UCK2: variants seen among roughly 807,000 people sequenced by gnomAD.
UCK2 encodes the protein cytidine monophosphokinase 2.
A neutral mutation model predicts 30.8 loss-of-function variants in UCK2; 6 were observed. The ratio of observed to expected loss-of-function variants is 0.19; its 90% CI spans 0.11 to 0.38. The LOEUF (loss-of-function observed/expected upper bound fraction) is 0.38, where lower values mean the gene tolerates loss of function less well. UCK2 is among the 10% of genes least tolerant of loss of function. The pLI, the probability that UCK2 is intolerant of heterozygous loss-of-function variation, is 1.00. For synonymous variants in UCK2, 125 were observed against 133.6 expected (o/e 0.94, Z 0.45); for missense variants, 210 against 339.8 (o/e 0.62, Z 3.00).
chr1:165,889,081 C>T (rs1422234816), intron 1 of UCK2, among the ~76,000 whole-genome samples: 1 of 152,060 alleles, frequency 6.6e-6, no homozygotes, highest in African/African-American at 2.4e-5. Context: ...GGTTTGAGTT[C>T]ATTTGGAGTT....
intron 5 of UCK2, 21 bp from the exon 6 acceptor site, chr1:165,905,900 A>G (rs375446636): frequency 8.1e-6 from 13 of 1,613,004 alleles, no homozygotes; most frequent in Non-Finnish European, 1.1e-5. Context: ...ATTAATGCAT[A>G]TTAACTGTCT....
chr1:165,842,177 A>G (rs1271448789), intron 1 of UCK2, among the ~76,000 whole-genome samples: 3 of 151,916 alleles, frequency 2.0e-5, no homozygotes, highest in African/African-American at 2.4e-5. Flanking sequence ...CACTCTCACC[A>G]TTCTTCTCAG....
intron 1 of UCK2, among the ~76,000 whole-genome samples, chr1:165,862,359 C>G (rs922495790): frequency 4.6e-5 from 7 of 152,108 alleles, no homozygotes; most frequent in Non-Finnish European, 1.0e-4. Context: ...AGAAAACATC[C>G]ATAGGGTGTA....
At chr1:165,848,658 A>C (rs549925533) in intron 1 of UCK2, among the ~76,000 whole-genome samples, 233 of 150,810 alleles carry the variant, frequency 1.5e-3, no homozygotes, top group Non-Finnish European at 2.5e-3. Flanking sequence ...ACACACACAC[A>C]CCCACACACA....
chr1:165,889,295 T>C (rs1655702766), intron 1 of UCK2, among the ~76,000 whole-genome samples: 1 of 152,256 alleles, frequency 6.6e-6, no homozygotes. Flanking sequence ...TCTTGCTAAC[T>C]AGCTGAGCTC....
chr1:165,839,985 C>T (rs375278673), intron 1 of UCK2, among the ~76,000 whole-genome samples: 2 of 152,292 alleles, frequency 1.3e-5, no homozygotes, highest in African/African-American at 4.8e-5. Context: ...GAGTGTGGCG[C>T]GATCTCGGCC....
chr1:165,902,584 A>G (rs1452461354), intron 4 of UCK2: 2 of 83,056 alleles, frequency 2.4e-5, no homozygotes. Context: ...CTTATCTTTC[A>G]CTGAGTGATT....
At position 165,827,781 on chromosome 1, in the gene UCK2, C is replaced by A; in HGVS notation, c.-53C>A. 2 of 1,314,630 alleles carry A rather than the reference C, an allele frequency of 1.5e-6. No individual in the cohort carries two copies. The highest frequency in any genetic ancestry group is 3.4e-5 in the Admixed American group (1 of 29,452). 81.4% of individuals were successfully genotyped at this position (1,314,630 alleles called of 1,614,324 possible). ...GGAGGGAGTCCGACGCGGGCGCGGG[C>A]GGGGAGCGTGCGTCCGTTCGCACAG... On this transcript the variant is annotated 5_prime_UTR_variant, in exon 1 of 7. Transcript: ENST00000367879.
chr1:165,846,675 C>T (rs1654456256), intron 1 of UCK2, among the ~76,000 whole-genome samples: 1 of 152,164 alleles, frequency 6.6e-6, no homozygotes, highest in Admixed American at 6.5e-5. Flanking sequence ...TGTCAGATCC[C>T]AGGATGAGGA....
chr1:165,903,452 T>A (rs1008182768), intron 5 of UCK2, among the ~76,000 whole-genome samples, 173 bp downstream of exon 5: 1 of 152,210 alleles, frequency 6.6e-6, no homozygotes, highest in African/African-American at 2.4e-5. Context: ...GTGTCCTCTG[T>A]GTTCTCCAGG....
At chr1:165,891,011 G>GA in intron 2 of UCK2, 1 of 500,480 alleles carries the variant, frequency 2.0e-6, no homozygotes, top group Non-Finnish European at 3.6e-6. Flanking sequence ...AGAGAAAAAA[G>GA]AAATCTATTT....
intron 1 of UCK2, among the ~76,000 whole-genome samples, chr1:165,881,203 AAAAG>A (rs1254030188): frequency 1.3e-5 from 2 of 151,354 alleles, no homozygotes; most frequent in Admixed American, 6.6e-5. Flanking sequence ...AAAAAAAAAA[AAAAG>A]AGATGATGTA....
At chr1:165,894,597 A>C (rs1655845657) in intron 3 of UCK2, 1 of 152,112 alleles carries the variant, frequency 6.6e-6, no homozygotes, top group Admixed American at 6.5e-5. Flanking sequence ...TATTTTTATA[A>C]GCTTCCCAGA....
At chr1:165,890,052 C>CT in intron 1 of UCK2, 152 bp from the exon 2 acceptor site, 1 of 775,154 alleles carries the variant, frequency 1.3e-6, no homozygotes. Context: ...TCCCTTAGCC[C>CT]TTTAACTCAT....
At chr1:165,905,137 A>G (rs150104108) in intron 5 of UCK2, among the ~76,000 whole-genome samples, 40 of 152,348 alleles carry the variant, frequency 2.6e-4, no homozygotes, top group Admixed American at 1.0e-3. Flanking sequence ...GTTTGGCTTC[A>G]AAGACCATGT....
Position 165,901,066 on chromosome 1 carries a change from G to A in UCK2, c.500-2116G>A, listed in dbSNP as rs3790667. On this transcript the variant is annotated intron_variant, in intron 4 of 6. Coordinates refer to ENST00000367879, the MANE Select transcript of UCK2 (RefSeq NM_012474.5). ...TGGGGACTTCTGGGGGGTGAGCCAC[G>A]TGGCAGCTCCTTAGGGCTCCTTCTT... 8.8e-3 allele frequency among the ~76,000 whole-genome samples: 1,346 copies of A among 152,252 alleles called. 36 individuals carry two copies. Among genetic ancestry groups the A allele is most frequent in the Admixed American group, 0.057 (872 of 15,290 alleles).
At chr1:165,858,854 A>G (rs1200398424) in intron 1 of UCK2, among the ~76,000 whole-genome samples, 2 of 152,192 alleles carry the variant, frequency 1.3e-5, no homozygotes, top group Admixed American at 6.5e-5. Context: ...GCTGTGTTCA[A>G]AGCAGTGACA....
intron 1 of UCK2, among the ~76,000 whole-genome samples, chr1:165,880,566 GGTGTGTGTGT>G (rs869079437): frequency 0.01 from 200 of 19,348 alleles, 1 homozygote; most frequent in African/African-American, 0.032. Flanking sequence ...TTTTTTTGGG[GGTGTGTGTGT>G]GTGTGTGTGT....
At chr1:165,847,967 C>T (rs1173408381) in intron 1 of UCK2, among the ~76,000 whole-genome samples, 1 of 152,096 alleles carries the variant, frequency 6.6e-6, no homozygotes, top group East Asian at 1.9e-4. Flanking sequence ...TCCCAAAGTG[C>T]TAGGATTTAC....
Sources: gnomAD v4.1 joint callset for allele counts (sites outside exome capture counted in the v4.1 genomes callset) on GRCh38, gnomAD v4.1.1 for gene constraint, MANE v1.5 for transcripts, NCBI Gene and HGNC (gene_info 2026-07-23, HGNC 2026-07-21) for gene names.